LRP2: variants seen among roughly 807,000 people sequenced by gnomAD.
LRP2 encodes the protein low-density lipoprotein receptor-related protein 2.
A neutral mutation model predicts 531.0 loss-of-function variants in LRP2; 172 were observed. That is an observed-to-expected ratio of 0.32 (90% CI 0.29 to 0.37). LRP2 has a LOEUF of 0.37. Ranked by LOEUF, LRP2 falls within the 10% of genes least tolerant of loss-of-function variation. The pLI is 1.00. For synonymous variants in LRP2, 1,992 were observed against 2,027.6 expected (o/e 0.98, Z 0.47); for missense variants, 5,167 against 5,868.3 (o/e 0.88, Z 3.90).
chr2:169,162,788 T>C lies in LRP2; in HGVS notation c.11759-188A>G, dbSNP rs80032164. Reference sequence around the variant, plus strand: ...AACGTACTGTCAGTTGGAGGTGCCATGTGTCACTACTGGGCTGAAGCAATG... The same window carrying C: ...AACGTACTGTCAGTTGGAGGTGCCACGTGTCACTACTGGGCTGAAGCAATG... On this transcript the variant is annotated intron_variant, in intron 62 of 78. Coordinates refer to ENST00000649046, the MANE Select transcript of LRP2 (RefSeq NM_004525.3). Among the ~76,000 whole-genome samples the C allele has an allele frequency of 4.3e-3, 650 of 152,346 alleles. 2 individuals are homozygous for C. Among genetic ancestry groups the C allele is most frequent in the Non-Finnish European group, 7.8e-3 (533 of 68,030 alleles).
chr2:169,183,430 GA>G (rs1687512849), intron 50 of LRP2, among the ~76,000 whole-genome samples: 1 of 152,152 alleles, frequency 6.6e-6, no homozygotes, highest in African/African-American at 2.4e-5. Context: ...GCTAATTATT[GA>G]ACACTTGTTA....
intron 34 of LRP2, among the ~76,000 whole-genome samples, chr2:169,218,947 A>T (rs538438001): frequency 1.3e-5 from 2 of 152,252 alleles, no homozygotes; most frequent in East Asian, 3.9e-4. Context: ...AGACAAAAAA[A>T]TTTCTATTTT....
intron 3 of LRP2, among the ~76,000 whole-genome samples, chr2:169,315,949 C>G (rs1295578385): frequency 3.1e-5 from 4 of 128,754 alleles, no homozygotes; most frequent in Admixed American, 7.7e-5. Context: ...ATGGGAAAAC[C>G]CCATCTCTAC....
intron 56 of LRP2, 61 bp downstream of exon 56, chr2:169,173,858 A>G: frequency 1.2e-6 from 2 of 1,609,932 alleles, no homozygotes; most frequent in East Asian, 2.2e-5. Context: ...CTCAGTCCCC[A>G]TGGAAGTTTC....
intron 1 of LRP2, among the ~76,000 whole-genome samples, chr2:169,326,584 C>T (rs1201482717): frequency 1.3e-5 from 2 of 152,140 alleles, no homozygotes; most frequent in Admixed American, 6.5e-5. Context: ...ATCTCCCAGC[C>T]GCCTGCCTTG....
chr2:169,147,263 T>C (rs542791257), intron 68 of LRP2, among the ~76,000 whole-genome samples: 1 of 152,328 alleles, frequency 6.6e-6, no homozygotes, highest in South Asian at 2.1e-4. Flanking sequence ...TCAAGAAATA[T>C]TATTGAAGGC....
Position 169,237,300 on chromosome 2 carries a change from G to C in LRP2, c.4507-13C>G. The C allele has an allele frequency of 6.3e-7, 1 of 1,593,446 alleles. No individual in the cohort carries two copies. The highest frequency in any genetic ancestry group is 8.6e-7 in the Non-Finnish European group (1 of 1,161,736). The stretch of plus-strand genomic sequence containing the variant: ...TACTGTCAAATACCTAAAGACAAAA[G>C]TGAATAAAGAGTGAATTCTAGAGCA... On this transcript the variant is annotated splice_polypyrimidine_tract_variant and intron_variant, in intron 27 of 78. Transcript: ENST00000649046.
chr2:169,256,342 C>A lies in LRP2; in HGVS notation c.2640-106G>T, dbSNP rs547965864. On this transcript the variant is annotated intron_variant, in intron 18 of 78. Transcript: ENST00000649046. ...AGGGTCAGTTGACACATTTATTAAA[C>A]AAAGTTTTTAAAATTTAAATTATAT... is the stretch of plus-strand genomic sequence containing the variant. The A allele has an allele frequency of 1.2e-3, 1,008 of 814,090 alleles. 3 individuals carry two copies. The highest frequency in any genetic ancestry group is 7.9e-3 in the Middle Eastern group (22 of 2,768). 50.4% of individuals were successfully genotyped at this position (814,090 alleles called of 1,614,324 possible).
chr2:169,159,431 A>G lies in LRP2; in HGVS notation c.11888-1929T>C, dbSNP rs140406401. Among the ~76,000 whole-genome samples, 160 of 152,300 alleles carry G rather than the reference A, an allele frequency of 1.1e-3. 1 individual carries two copies. The highest frequency in any genetic ancestry group is 2.1e-3 in the Non-Finnish European group (142 of 68,008). ...AGAAAAATAACCAAAATAAAGTACAATGAAATTCAATGGAATGCTGCCCTT... is the reference window on the plus strand; with the variant it reads ...AGAAAAATAACCAAAATAAAGTACAGTGAAATTCAATGGAATGCTGCCCTT... On this transcript the variant is annotated intron_variant, in intron 63 of 78. Transcript: ENST00000649046.
At position 169,202,898 on chromosome 2, in the gene LRP2, C is replaced by T. The variant is rs1470181111; in HGVS notation, c.8067G>A (p.Arg2689=). 1 of 1,614,222 alleles carries T rather than the reference C, an allele frequency of 6.2e-7. No homozygotes were observed. The highest frequency in any genetic ancestry group is 1.1e-5 in the South Asian group (1 of 91,078). The change falls in exon 43 of 79, where the codon AGG becomes AGA. Residue 2689 remains arginine (R), a synonymous_variant. Coordinates refer to ENST00000649046, the MANE Select transcript of LRP2 (RefSeq NM_004525.3). ...HEGNWYLANN[R]KHCIVDNGER... The stretch of plus-strand genomic sequence containing the variant: ...CACCATTGTCCACAATGCAGTGCTT[C>T]CTGTTGTTGGCCAAATACCAGTTGC...
chr2:169,213,772 A>G lies in LRP2; in HGVS notation c.5925T>C (p.Tyr1975=), dbSNP rs1203806622. 2 of 1,613,648 alleles carry G rather than the reference A, an allele frequency of 1.2e-6. No homozygotes were observed. The highest frequency in any genetic ancestry group is 1.7e-4 in the Middle Eastern group (1 of 6,054). The change falls in exon 36 of 79, where the codon TAT becomes TAC. Residue 1975 remains tyrosine, a synonymous_variant. Coordinates refer to ENST00000649046, the MANE Select transcript of LRP2 (RefSeq NM_004525.3). ...GIAVHDSFLY[Y]TDEQYEVIER... is the part of the protein sequence containing the mutation. ...CAATGACCTCATACTGTTCATCAGT[A>G]TAATAAAGGAAAGAATCATGGACTG...
At chr2:169,360,404 G>A (rs180792018) in intron 1 of LRP2, among the ~76,000 whole-genome samples, 1 of 151,264 alleles carries the variant, frequency 6.6e-6, no homozygotes, top group East Asian at 1.9e-4. Context: ...TGTATGCTAG[G>A]TTACTATTAC....
intron 34 of LRP2, among the ~76,000 whole-genome samples, chr2:169,219,244 G>A (rs1465947954): frequency 5.9e-5 from 9 of 152,004 alleles, no homozygotes; most frequent in African/African-American, 9.7e-5. Flanking sequence ...GAAACAGAGC[G>A]CTAATACAAA....
rs527397264 is a variant in LRP2, at chr2:169,280,505, T to A, written c.1186A>T (p.Ile396Phe). The A allele has an allele frequency of 1.9e-6, 3 of 1,614,112 alleles. No homozygotes were observed. The South Asian group carries it at 3.3e-5, about 18-fold the overall frequency. ...AAATCCCGACCATTGGAGAAGATAA[T>A]GGAGGCCTCGCCAACTAAATGCGAA... ...KANDSFGEAS[I>F]IFSNGRDLLI... The change falls in exon 11 of 79, where the codon ATT becomes TTT. Residue 396 changes from isoleucine (I) to phenylalanine (F), a missense_variant. Ile to Phe is a conservative substitution (Grantham distance 21). Around this residue, in one of 6 missense-constraint regions of LRP2, gnomAD observed 2,811 missense variants for 3,058.0 expected, o/e 0.92. Coordinates refer to ENST00000649046, the MANE Select transcript of LRP2 (RefSeq NM_004525.3).
At chr2:169,338,359 GGAAA>G (rs869084371) in intron 1 of LRP2, among the ~76,000 whole-genome samples, 6,357 of 76,444 alleles carry the variant, frequency 0.083, 249 homozygotes, top group Admixed American at 0.16. Context: ...AAAGAAAGAA[GGAAA>G]GAAAGAAAGA....
chr2:169,201,326 G>A (rs1688195913), intron 44 of LRP2, among the ~76,000 whole-genome samples: 1 of 152,142 alleles, frequency 6.6e-6, no homozygotes, highest in Non-Finnish European at 1.5e-5. Context: ...GGTACTCAGG[G>A]ATATTTAGTA....
At chr2:169,172,238 T>A in intron 57 of LRP2, 104 bp from the exon 58 acceptor site, 1 of 1,325,598 alleles carries the variant, frequency 7.5e-7, no homozygotes, top group Non-Finnish European at 1.1e-6. Context: ...ATTAGCTCAC[T>A]CTTGAAGCTC....
intron 29 of LRP2, among the ~76,000 whole-genome samples, chr2:169,234,915 T>G (rs1406982545): frequency 3.1e-4 from 11 of 34,944 alleles, no homozygotes; most frequent in East Asian, 1.4e-3. Flanking sequence ...AATTTTTGTT[T>G]TTTTTTTTTT....
intron 11 of LRP2, 60 bp downstream of exon 11, chr2:169,280,290 T>C: frequency 6.3e-7 from 1 of 1,593,268 alleles, no homozygotes; most frequent in Non-Finnish European, 8.6e-7. Flanking sequence ...CCTCTAAAAG[T>C]GAAAAGCTAT....
Sources: allele counts gnomAD v4.1 joint callset (sites outside exome capture counted in the v4.1 genomes callset), GRCh38; gene constraint gnomAD v4.1.1; regional missense constraint gnomAD v4.1.1; transcripts MANE v1.5; gene names NCBI Gene and HGNC (gene_info 2026-07-23, HGNC 2026-07-21).